The following LRRC9 variants were observed in gnomAD, a reference collection of about 807,000 sequenced individuals.
LRRC9 encodes leucine-rich repeat-containing protein 9.
LRRC9 carries 122 observed loss-of-function variants against 63.2 expected under a neutral mutation model. The ratio of observed to expected loss-of-function variants is 1.93; its 90% confidence interval spans 1.67 to 2.24. The LOEUF (loss-of-function observed/expected upper bound fraction) is 2.24. LRRC9 is among the 30% of genes most tolerant of loss of function. The pLI is 0.00. For synonymous variants in LRRC9, 366 were observed against 213.1 expected (o/e 1.72, Z -6.25); for missense variants, 1,071 against 627.7 (o/e 1.71, Z -7.55).
intron 1 of LRRC9, chr14:59,920,222 G>C (rs1230876930): frequency 6.6e-6 from 1 of 152,430 alleles, no homozygotes; most frequent in Non-Finnish European, 1.5e-5. Flanking sequence ...AATCGGAGTG[G>C]ACTCGGACTT....
At chr14:60,035,748 G>T (rs991237544) in intron 29 of LRRC9, among the ~76,000 whole-genome samples, 1 of 152,236 alleles carries the variant, frequency 6.6e-6, no homozygotes, top group Middle Eastern at 3.4e-3. Flanking sequence ...CTATAGCTTT[G>T]TAATAAAATT....
chr14:59,977,422 C>A (rs1278098225), intron 14 of LRRC9, 75 bp downstream of exon 14: 1 of 523,994 alleles, frequency 1.9e-6, no homozygotes, highest in South Asian at 2.9e-5. Flanking sequence ...CGGATACTCA[C>A]AATTTTATTT....
At chr14:59,924,668 T>G (rs542081563) in intron 1 of LRRC9, among the ~76,000 whole-genome samples, 12 of 152,218 alleles carry the variant, frequency 7.9e-5, no homozygotes, top group Non-Finnish European at 1.8e-4. Context: ...TCAATACTTA[T>G]GACAGTTCTT....
chr14:59,931,044 A>T, exon 4 of LRRC9: 1 of 382,190 alleles, frequency 2.6e-6, no homozygotes. Context: ...CCACAATACA[A>T]TTAAAAATAT....
At position 60,003,600 on chromosome 14, in the gene LRRC9, A is replaced by G. The variant is rs1889567816; in HGVS notation, c.2665-21A>G. 1.6e-6 allele frequency: 1 copy of G among 615,852 alleles called. No individual in the cohort carries two copies. The highest frequency in any genetic ancestry group is 2.9e-5 in the East Asian group (1 of 34,750). 38.1% of individuals were successfully genotyped at this position (615,852 alleles called of 1,614,324 possible). ...AATTTATAAGATTTAGAAATAACATACAATGTAAATTATTCTACAGATAAC... is the reference window on the plus strand; with the variant it reads ...AATTTATAAGATTTAGAAATAACATGCAATGTAAATTATTCTACAGATAAC... On this transcript the variant is annotated intron_variant, in intron 20 of 31. Transcript: ENST00000445360. The surrounding 1 kb of genome is among the most constrained non-coding windows in gnomAD (Gnocchi z 4.2).
rs191207025 is a variant in LRRC9, at chr14:60,060,957, A to G, written c.4277-2366A>G. Among the ~76,000 whole-genome samples, 1 of 152,298 alleles carries G rather than the reference A, an allele frequency of 6.6e-6. No individual in the cohort carries two copies. The highest frequency in any genetic ancestry group is 1.5e-5 in the Non-Finnish European group (1 of 68,020). On this transcript the variant is annotated intron_variant, in intron 31 of 31. Coordinates refer to ENST00000445360, the Ensembl canonical transcript of LRRC9. This position sits in a 1 kb window ranked among gnomAD's most constrained non-coding sequence, Gnocchi z 4.0. ...TAACTGCAGATGTGTGGAAACAGCA[A>G]GAGAACTAGAAGTGGAGCCTGAAGA...
At chr14:60,038,557 GCT>G (rs1170519437) in intron 29 of LRRC9, among the ~76,000 whole-genome samples, 1 of 152,166 alleles carries the variant, frequency 6.6e-6, no homozygotes, top group East Asian at 1.9e-4. Flanking sequence ...TCACAATTTG[GCT>G]CTCTGTTTAT....
chr14:59,921,909 C>A (rs1045185453), intron 1 of LRRC9, among the ~76,000 whole-genome samples: 3 of 151,766 alleles, frequency 2.0e-5, no homozygotes, highest in African/African-American at 7.2e-5. Context: ...TATGGTGAAA[C>A]CCTGTCTCTA....
In LRRC9 at chr14:60,012,695, A is replaced by G. The variant is rs572917373; in HGVS notation, c.3187-3965A>G. On this transcript the variant is annotated intron_variant, in intron 23 of 31. Transcript: ENST00000445360. ...GGAACACATCCATGCCTGTTTGTTT[A>G]TATATAATCTGTGACTGCTTTCACA... Among the ~76,000 whole-genome samples, 16 of 152,288 alleles carry G rather than the reference A, an allele frequency of 1.1e-4. No individual in the cohort carries two copies. In the South Asian group the frequency reaches 2.7e-3, roughly 26 times the overall value.
rs186651952 is a variant in LRRC9 at position 60,011,138 on chromosome 14, A to G, written c.3186+2924A>G. 1.4e-4 allele frequency among the ~76,000 whole-genome samples: 21 copies of G among 152,346 alleles called. No individual in the cohort carries two copies. The South Asian group carries it at 3.9e-3, about 29-fold the overall frequency. ...TGAGACTGTGTAATTTATAAAGGAAAGAAGTTTAATGGACTCACAGTTCCA... is the reference window on the plus strand; with the variant it reads ...TGAGACTGTGTAATTTATAAAGGAAGGAAGTTTAATGGACTCACAGTTCCA... On this transcript the variant is annotated intron_variant, in intron 23 of 31. Transcript: ENST00000445360.
chr14:60,061,470 T>C (rs1894654374), intron 31 of LRRC9, among the ~76,000 whole-genome samples: 1 of 152,190 alleles, frequency 6.6e-6, no homozygotes, highest in Admixed American at 6.5e-5. Flanking sequence ...GGTATGTACA[T>C]TGTTTTTTTA....
intron 1 of LRRC9, among the ~76,000 whole-genome samples, chr14:59,926,581 G>A (rs2139755697): frequency 6.6e-6 from 1 of 151,918 alleles, no homozygotes; most frequent in South Asian, 2.1e-4. Context: ...ACATTGTTAT[G>A]AACACTCTAT....
chr14:59,949,198 G>T (rs1188885397), intron 8 of LRRC9, among the ~76,000 whole-genome samples: 1 of 150,964 alleles, frequency 6.6e-6, no homozygotes, highest in African/African-American at 2.4e-5. Flanking sequence ...CCTGTTATTG[G>T]TCTATTCAGA....
chr14:59,993,411 G>C (rs1356307089), intron 17 of LRRC9, among the ~76,000 whole-genome samples: 1 of 152,114 alleles, frequency 6.6e-6, no homozygotes, highest in East Asian at 1.9e-4. Context: ...CAACTAACGA[G>C]CAAAATAACC....
At chr14:59,959,252 T>A (rs1332262832) in intron 8 of LRRC9, among the ~76,000 whole-genome samples, 2 of 152,184 alleles carry the variant, frequency 1.3e-5, no homozygotes, top group Non-Finnish European at 2.9e-5. Context: ...ATGATAAATT[T>A]AAAAACCCCA....
chr14:60,014,733 G>C (rs561920316), intron 23 of LRRC9, among the ~76,000 whole-genome samples: 1 of 151,918 alleles, frequency 6.6e-6, no homozygotes, highest in African/African-American at 2.4e-5. Context: ...ATGTGTCCTT[G>C]CATGGATTTG....
rs1159530327 is a variant in LRRC9 at position 59,973,406 on chromosome 14, G to C, written c.1507-1170G>C. 4 of 152,048 alleles carry C rather than the reference G, an allele frequency of 2.6e-5. No individual in the cohort carries two copies. In the South Asian group the frequency reaches 8.3e-4, roughly 31 times the overall value. 9.4% of individuals were successfully genotyped at this position (152,048 alleles called of 1,614,324 possible). ...TGATGTTCATTGAAAGTCTAAAAAG[G>C]TTACTTACTGGGGTGTGGAATTTGT... On this transcript the variant is annotated intron_variant, in intron 12 of 31. Transcript: ENST00000445360.
intron 22 of LRRC9, 140 bp downstream of exon 22, chr14:60,006,757 T>G (rs931338385): frequency 1.3e-5 from 7 of 536,456 alleles, no homozygotes; most frequent in Non-Finnish European, 2.3e-5. Context: ...TTAAAATGTA[T>G]TTGCATTCAA....
chr14:60,018,598 G>T, intron 25 of LRRC9, 119 bp downstream of exon 25: 3 of 388,450 alleles, frequency 7.7e-6, no homozygotes, highest in Non-Finnish European at 9.1e-6. Flanking sequence ...AATTTTCTTT[G>T]GGTTTTTTTT....
Sources: allele counts gnomAD v4.1 joint callset (sites outside exome capture counted in the v4.1 genomes callset), GRCh38; gene constraint gnomAD v4.1.1; non-coding constraint Gnocchi (gnomAD v3.1); transcripts MANE v1.5; gene names NCBI Gene and HGNC (gene_info 2026-07-23, HGNC 2026-07-21).